MYOF: variants seen among roughly 807,000 people sequenced by gnomAD.
The protein encoded by MYOF is fer-1-like 3, myoferlin.
In MYOF, 244 loss-of-function variants were observed where a neutral mutation model predicts 284.2. The ratio of observed to expected loss-of-function variants is 0.86; its 90% CI spans 0.77 to 0.95. The LOEUF is 0.95. MYOF is among the 40% of genes least tolerant of loss of function. The probability of loss-of-function intolerance (pLI) is 0.00; values close to 1 mark genes in which losing one functional copy is unlikely to be tolerated. For synonymous variants in MYOF, 904 were observed against 919.7 expected (o/e 0.98, Z 0.31); for missense variants, 2,496 against 2,560.6 (o/e 0.97, Z 0.54).
intron 51 of MYOF, 65 bp from the exon 52 acceptor site, chr10:93,310,708 C>T: frequency 7.0e-7 from 1 of 1,421,336 alleles, no homozygotes; most frequent in African/African-American, 1.4e-5. Flanking sequence ...TACTTCAACC[C>T]AAGGAGTATT....
chr10:93,355,447 A>G (rs1392415372), intron 31 of MYOF, among the ~76,000 whole-genome samples, 181 bp downstream of exon 31: 1 of 152,114 alleles, frequency 6.6e-6, no homozygotes, highest in Non-Finnish European at 1.5e-5. Flanking sequence ...TTAGCCAGGC[A>G]TGGTGACGTG....
intron 5 of MYOF, among the ~76,000 whole-genome samples, 190 bp from the exon 6 acceptor site, chr10:93,409,929 G>A (rs1198587036): frequency 6.6e-6 from 1 of 152,210 alleles, no homozygotes; most frequent in Non-Finnish European, 1.5e-5. Context: ...TTAGGAAAAT[G>A]TGTTCACAGT....
chr10:93,379,027 G>C (rs1845992127), intron 21 of MYOF, among the ~76,000 whole-genome samples: 1 of 151,970 alleles, frequency 6.6e-6, no homozygotes. Context: ...AAGTAACTTA[G>C]TATTTTTGCT....
intron 5 of MYOF, among the ~76,000 whole-genome samples, chr10:93,419,886 C>T (rs1646718329): frequency 6.6e-6 from 1 of 152,120 alleles, no homozygotes; most frequent in Non-Finnish European, 1.5e-5. Flanking sequence ...AATCCCAGCA[C>T]TTTGGGAGGC....
rs561883013 is a variant in MYOF, at chr10:93,438,648, A to G, written c.237-7132T>C. 1.9e-3 allele frequency among the ~76,000 whole-genome samples: 285 copies of G among 152,154 alleles called. 1 individual carries two copies. The highest frequency in any genetic ancestry group is 6.6e-3 in the African/African-American group (273 of 41,520). ...ACAATGGTCTAGACAGTGACTCCCA[A>G]TGGCTGTGGGAGTAAAGTGGAGGAG... On this transcript the variant is annotated intron_variant, in intron 3 of 53. Coordinates refer to ENST00000359263, the MANE Select transcript of MYOF (RefSeq NM_013451.4).
chr10:93,473,617 C>T (rs1448323383), intron 1 of MYOF, among the ~76,000 whole-genome samples: 1 of 152,172 alleles, frequency 6.6e-6, no homozygotes, highest in Non-Finnish European at 1.5e-5. Flanking sequence ...GAGAGGGGAG[C>T]TGACATGATT....
chr10:93,316,665 A>G, intron 50 of MYOF, 49 bp downstream of exon 50: 1 of 1,488,558 alleles, frequency 6.7e-7, no homozygotes, highest in Non-Finnish European at 9.3e-7. Context: ...TGACCCCACT[A>G]ATTCCAAGTA....
Position 93,394,653 on chromosome 10 carries a change from G to C in MYOF, c.1417+1489C>G, listed in dbSNP as rs532578607. 3.4e-5 allele frequency among the ~76,000 whole-genome samples: 5 copies of C among 146,740 alleles called. No homozygotes were observed. In the South Asian group the frequency reaches 1.1e-3, roughly 32 times the overall value. The stretch of plus-strand genomic sequence containing the variant: ...TTTTTTGTATTTTTAATGGAGACGG[G>C]GTTTCACCGTGTTAGCCAGGATGGT... On this transcript the variant is annotated intron_variant, in intron 16 of 53. Transcript: ENST00000359263.
At chr10:93,373,616 A>G (rs1435565128) in intron 23 of MYOF, among the ~76,000 whole-genome samples, 6 of 152,192 alleles carry the variant, frequency 3.9e-5, no homozygotes, top group Non-Finnish European at 7.3e-5. Flanking sequence ...GCCTAAGTCC[A>G]CTATAGAACA....
chr10:93,455,108 G>A (rs2985076), intron 2 of MYOF, among the ~76,000 whole-genome samples: 59,624 of 150,528 alleles, frequency 0.4, 13,370 homozygotes, highest in Non-Finnish European at 0.5. Context: ...TGATCAACAT[G>A]GAGAAACCCC....
chr10:93,445,871 C>G (rs1188448923), intron 3 of MYOF, among the ~76,000 whole-genome samples: 2 of 152,234 alleles, frequency 1.3e-5, no homozygotes, highest in Admixed American at 6.5e-5. Flanking sequence ...CCCTGCACTT[C>G]AGGTGAGGGA....
intron 49 of MYOF, among the ~76,000 whole-genome samples, chr10:93,317,589 A>C (rs1842668126): frequency 6.6e-6 from 1 of 152,142 alleles, no homozygotes. Context: ...GTGAGCTGAG[A>C]TCATACCACT....
intron 1 of MYOF, among the ~76,000 whole-genome samples, chr10:93,457,909 GTT>G (rs140856298): frequency 0.043 from 6,006 of 140,888 alleles, 158 homozygotes; most frequent in Non-Finnish European, 0.063. Context: ...ATTTTTCTAT[GTT>G]TTTTTTTTTT....
chr10:93,408,859 C>T lies in MYOF; in HGVS notation c.657G>A (p.Val219=). 2 of 1,614,192 alleles carry T rather than the reference C, an allele frequency of 1.2e-6. No homozygotes were observed. The highest frequency in any genetic ancestry group is 1.7e-6 in the Non-Finnish European group (2 of 1,180,036). The change falls in exon 7 of 54, where the codon GTG becomes GTA. Residue 219 remains valine (V), a synonymous_variant. Coordinates refer to ENST00000359263, the MANE Select transcript of MYOF (RefSeq NM_013451.4). ...TCTGGCCACAGACGTGAACTTTGAC[C>T]ACAGGCCTTATGTTGTTACCACTTA... ...RQLSGNNIRP[V]VKVHVCGQTH...
At chr10:93,332,384 A>G (rs1843353882) in intron 43 of MYOF, among the ~76,000 whole-genome samples, 2 of 151,752 alleles carry the variant, frequency 1.3e-5, no homozygotes, top group Admixed American at 6.6e-5. Flanking sequence ...CACCATGCCT[A>G]GCTAATTTTT....
chr10:93,400,525 A>T (rs976439792), intron 12 of MYOF, among the ~76,000 whole-genome samples: 1 of 152,004 alleles, frequency 6.6e-6, no homozygotes, highest in Admixed American at 6.6e-5. Flanking sequence ...ACTATCTTTT[A>T]AGACCATAGG....
chr10:93,450,648 G>A (rs1203944064), intron 3 of MYOF, among the ~76,000 whole-genome samples: 7 of 152,150 alleles, frequency 4.6e-5, no homozygotes, highest in Admixed American at 4.6e-4. Context: ...ATTAATCACT[G>A]TGCTAGGACA....
intron 43 of MYOF, among the ~76,000 whole-genome samples, chr10:93,331,977 A>G (rs1843327793): frequency 6.6e-6 from 1 of 152,196 alleles, no homozygotes; most frequent in Non-Finnish European, 1.5e-5. Context: ...CAAATGTGAA[A>G]CATCACCAAG....
intron 1 of MYOF, among the ~76,000 whole-genome samples, chr10:93,464,446 C>T (rs537019770): frequency 4.6e-5 from 7 of 152,270 alleles, no homozygotes; most frequent in Admixed American, 6.5e-5. Context: ...GGAAGTAACA[C>T]GATGGTAACA....
Sources: gnomAD v4.1 joint callset for allele counts (sites outside exome capture counted in the v4.1 genomes callset) on GRCh38, gnomAD v4.1.1 for gene constraint, MANE v1.5 for transcripts, NCBI Gene and HGNC (gene_info 2026-07-23, HGNC 2026-07-21) for gene names.